Variants in LRRIQ1 observed in about 807,000 individuals in gnomAD.
LRRIQ1 encodes the protein leucine-rich repeat- and IQ domain-containing protein 1.
LRRIQ1 carries 210 observed loss-of-function variants against 211.9 expected under a neutral mutation model. That is an observed-to-expected ratio of 0.99 (90% confidence interval 0.89 to 1.11). The LOEUF is 1.11. Among genes scored for constraint, LRRIQ1 ranks in the 50% most tolerant of loss-of-function variants. LRRIQ1 has a pLI of 0.00. For synonymous variants in LRRIQ1, 699 were observed against 650.1 expected (o/e 1.08, Z -1.14); for missense variants, 2,136 against 1,939.5 (o/e 1.10, Z -1.90).
Position 85,098,964 on chromosome 12 carries a change from TA to T in LRRIQ1, c.3180del (p.Leu1060PhefsTer12). On this transcript the variant is annotated frameshift_variant, in exon 13 of 27. Coordinates refer to ENST00000393217, the MANE Select transcript of LRRIQ1 (RefSeq NM_001079910.2). LOFTEE classifies it high-confidence loss of function. ...VEAFSSYWLP[L>X]LQNITISQNS... ...GCATTTTCTTCATACTGGCTGCCTT[TA>T]CTACAAAATATTACTATCTCTCAAA... 6.4e-7 allele frequency: 1 copy of T among 1,568,624 alleles called. No homozygotes were observed. Among genetic ancestry groups the T allele is most frequent in the Non-Finnish European group, 8.7e-7 (1 of 1,153,046 alleles).
At chr12:85,068,498 T>G (rs546232638) in intron 10 of LRRIQ1, among the ~76,000 whole-genome samples, 21 of 151,830 alleles carry the variant, frequency 1.4e-4, no homozygotes, top group Non-Finnish European at 2.8e-4. Context: ...TTTTTTGGGG[T>G]TTTGATTTCA....
At chr12:85,109,116 C>A (rs2136336497) in intron 15 of LRRIQ1, among the ~76,000 whole-genome samples, 1 of 152,220 alleles carries the variant, frequency 6.6e-6, no homozygotes, top group African/African-American at 2.4e-5. Context: ...AGATATATTA[C>A]AGAAGAATTA....
intron 16 of LRRIQ1, among the ~76,000 whole-genome samples, chr12:85,123,040 G>T (rs1207234834): frequency 6.6e-6 from 1 of 152,052 alleles, no homozygotes; most frequent in East Asian, 1.9e-4. Flanking sequence ...TATGTTGAAT[G>T]CATAAGTGGT....
intron 25 of LRRIQ1, among the ~76,000 whole-genome samples, chr12:85,230,707 CTACA>C (rs1894891485): frequency 6.6e-6 from 1 of 152,116 alleles, no homozygotes; most frequent in Non-Finnish European, 1.5e-5. Context: ...TTTGTTTTAG[CTACA>C]TATATCCACA....
At chr12:85,185,673 A>G (rs1213893263) in intron 24 of LRRIQ1, among the ~76,000 whole-genome samples, 1 of 152,026 alleles carries the variant, frequency 6.6e-6, no homozygotes, top group Non-Finnish European at 1.5e-5. Context: ...GTAATGATTC[A>G]TAAATTTCAA....
At chr12:85,218,786 T>C (rs1158759927) in intron 24 of LRRIQ1, among the ~76,000 whole-genome samples, 2 of 152,074 alleles carry the variant, frequency 1.3e-5, no homozygotes, top group Non-Finnish European at 2.9e-5. Context: ...AACATTTACA[T>C]TAATATTTCT....
In LRRIQ1 at chr12:85,160,703, G is replaced by C. The variant is rs1359953506; in HGVS notation, c.4811G>C (p.Gly1604Ala). 1 of 1,587,646 alleles carries C rather than the reference G, an allele frequency of 6.3e-7. No homozygotes were observed. The highest frequency in any genetic ancestry group is 1.3e-5 in the African/African-American group (1 of 74,404). ...SPKMVQPRRDGYFEGIEEDPI... is the reference protein window; with the variant it reads ...SPKMVQPRRDAYFEGIEEDPI... ...AAGATGGTACAGCCCAGAAGAGATGGTTACTTTGAAGGTATGGCTTAATAA... is the reference window on the plus strand; with the variant it reads ...AAGATGGTACAGCCCAGAAGAGATGCTTACTTTGAAGGTATGGCTTAATAA... The change falls in exon 24 of 27, where the codon GGT becomes GCT. Residue 1604 changes from glycine to alanine, a missense_variant. Physicochemically the swap from Gly to Ala is moderately conservative, Grantham distance 60 (BLOSUM62 0). Transcript: ENST00000393217.
rs1382656823 is a variant in LRRIQ1, at chr12:85,264,191, T to A, written c.*1131T>A. 4 of 152,006 alleles carry A rather than the reference T, an allele frequency of 2.6e-5. No homozygotes were observed. In the East Asian group the frequency reaches 7.7e-4, roughly 29 times the overall value. 9.4% of individuals were successfully genotyped at this position (152,006 alleles called of 1,614,324 possible). On this transcript the variant is annotated 3_prime_UTR_variant, in exon 2 of 2. Transcript: ENST00000602731. Reference sequence around the variant, plus strand: ...CCCTATTGCATTGCAAACCTATAAATCTCTTTTAACTTGATTGAGATAGAA... The same window carrying A: ...CCCTATTGCATTGCAAACCTATAAAACTCTTTTAACTTGATTGAGATAGAA...
intron 19 of LRRIQ1, among the ~76,000 whole-genome samples, chr12:85,152,057 G>A (rs979502149): frequency 6.6e-6 from 1 of 151,588 alleles, no homozygotes; most frequent in Non-Finnish European, 1.5e-5. Context: ...CAAATATCAA[G>A]TTTTCACTTT....
chr12:85,057,035 T>G lies in LRRIQ1; in HGVS notation c.2242T>G (p.Ser748Ala). 1 of 1,607,882 alleles carries G rather than the reference T, an allele frequency of 6.2e-7. No individual in the cohort carries two copies. Among genetic ancestry groups the G allele is most frequent in the Non-Finnish European group, 8.5e-7 (1 of 1,178,072 alleles). ...IEERRLAWIK[S>A]FKPWLEIFKQ... The stretch of plus-strand genomic sequence containing the variant: ...AGAAAGGAGACTAGCCTGGATAAAA[T>G]CATTTAAACCTTGGCTTGAAATTTT... The change falls in exon 8 of 27, where the codon TCA becomes GCA. Residue 748 changes from serine (S) to alanine (A), a missense_variant. Coordinates refer to ENST00000393217, the MANE Select transcript of LRRIQ1 (RefSeq NM_001079910.2).
At chr12:85,080,773 A>G (rs1340546489) in intron 11 of LRRIQ1, among the ~76,000 whole-genome samples, 3 of 151,024 alleles carry the variant, frequency 2.0e-5, no homozygotes, top group Admixed American at 2.0e-4. Flanking sequence ...GTTTTTTTAT[A>G]TTCTGTGTCT....
At chr12:85,061,164 C>G (rs1210140593) in intron 8 of LRRIQ1, among the ~76,000 whole-genome samples, 1 of 151,604 alleles carries the variant, frequency 6.6e-6, no homozygotes, top group Non-Finnish European at 1.5e-5. Flanking sequence ...AAACATTTAC[C>G]CAACACCCAT....
At chr12:85,156,583 C>A in intron 23 of LRRIQ1, among the ~76,000 whole-genome samples, 1 of 151,804 alleles carries the variant, frequency 6.6e-6, no homozygotes, top group Non-Finnish European at 1.5e-5. Context: ...CATTAACTTA[C>A]TTGCATCTGT....
chr12:85,098,717 T>G, intron 12 of LRRIQ1, 150 bp from the exon 13 acceptor site: 2 of 675,678 alleles, frequency 3.0e-6, no homozygotes, highest in South Asian at 6.2e-5. Context: ...AATAGAAATT[T>G]TATTCATATT....
chr12:85,140,722 A>G (rs972311260), intron 19 of LRRIQ1, among the ~76,000 whole-genome samples: 2 of 151,186 alleles, frequency 1.3e-5, no homozygotes, highest in African/African-American at 4.8e-5. Flanking sequence ...TGTTTCCTAT[A>G]GGTTTCTTAG....
intron 25 of LRRIQ1, among the ~76,000 whole-genome samples, chr12:85,232,328 AACTTT>A (rs1894981257): frequency 6.6e-6 from 1 of 152,120 alleles, no homozygotes; most frequent in Non-Finnish European, 1.5e-5. Context: ...AAAAGTAGGA[AACTTT>A]ACTTTTTGAA....
chr12:85,152,613 A>G (rs763895975), intron 20 of LRRIQ1, among the ~76,000 whole-genome samples: 2 of 151,712 alleles, frequency 1.3e-5, no homozygotes, highest in African/African-American at 4.8e-5. Context: ...AAAAAAAATG[A>G]TATGCTTCAG....
rs551788406 is a variant in LRRIQ1 at position 85,259,189 on chromosome 12, A to G, written c.122-3726A>G. 6.6e-5 allele frequency among the ~76,000 whole-genome samples: 10 copies of G among 152,206 alleles called. No homozygotes were observed. In the East Asian group the frequency reaches 1.9e-3, roughly 29 times the overall value. ...CAGATTGTTGTTAAACATAAAATCT[A>G]TAACAATAATGTTGCAGAAAAGGGA... On this transcript the variant is annotated intron_variant, in intron 1 of 1. Transcript: ENST00000602731.
chr12:85,153,095 T>TA lies in LRRIQ1; in HGVS notation c.4493dup (p.Asn1498LysfsTer2). 6.3e-7 allele frequency: 1 copy of TA among 1,590,632 alleles called. No individual in the cohort carries two copies. Among genetic ancestry groups the TA allele is most frequent in the Non-Finnish European group, 8.6e-7 (1 of 1,166,356 alleles). ...GTAATCCAGCTCAAGCATGGTTATGTAATGACAAAGAAAATTTGTCTTCTT... is the reference window on the plus strand; with the variant it reads ...GTAATCCAGCTCAAGCATGGTTATGTAAATGACAAAGAAAATTTGTCTTCTT... On this transcript the variant is annotated frameshift_variant, in exon 21 of 27. Transcript: ENST00000393217. LOFTEE classifies it high-confidence loss of function.
Sources: gnomAD v4.1 joint callset for allele counts (sites outside exome capture counted in the v4.1 genomes callset) on GRCh38, gnomAD v4.1.1 for gene constraint, MANE v1.5 for transcripts, NCBI Gene and HGNC (gene_info 2026-07-23, HGNC 2026-07-21) for gene names.